CAMTA1: variants seen among roughly 807,000 people sequenced by gnomAD.
CAMTA1 encodes calmodulin binding transcription activator 1.
In CAMTA1, 27 loss-of-function variants were observed where a neutral mutation model predicts 170.9. The ratio of observed to expected loss-of-function variants is 0.16; its 90% CI spans 0.12 to 0.22. CAMTA1 has a LOEUF of 0.22. Ranked by LOEUF, CAMTA1 falls within the 10% of genes least tolerant of loss-of-function variation. CAMTA1 has a pLI of 1.00. For missense variants in CAMTA1, 1,619 were observed against 2,217.2 expected, an observed-to-expected ratio of 0.73 and a Z score of 5.42; for synonymous variants, 833 against 891.5, an observed-to-expected ratio of 0.93 and a Z score of 1.17.
intron 7 of CAMTA1, among the ~76,000 whole-genome samples, chr1:7,660,076 T>C (rs1415391809): frequency 2.0e-5 from 3 of 152,198 alleles, no homozygotes; most frequent in Non-Finnish European, 4.4e-5. Context: ...CAAATAATTT[T>C]GTTTTGTTTT....
chr1:6,843,043 A>G (rs1656532845), intron 3 of CAMTA1, among the ~76,000 whole-genome samples: 1 of 152,208 alleles, frequency 6.6e-6, no homozygotes, highest in Admixed American at 6.5e-5. Flanking sequence ...ATCAACTGAC[A>G]CGTCTGAATT....
intron 7 of CAMTA1, among the ~76,000 whole-genome samples, chr1:7,655,575 TAC>T (rs564576028): frequency 1.7e-3 from 215 of 127,012 alleles, no homozygotes; most frequent in African/African-American, 5.4e-3. Context: ...CACACCCACC[TAC>T]ACACACAAAC....
Position 6,970,467 on chromosome 1 carries a change from A to G in CAMTA1, c.235-120837A>G, listed in dbSNP as rs1572119281. Among the ~76,000 whole-genome samples the G allele has an allele frequency of 6.6e-6, 1 of 151,880 alleles. No homozygotes were observed. The highest frequency in any genetic ancestry group is 1.5e-5 in the Non-Finnish European group (1 of 67,990). On this transcript the variant is annotated intron_variant, in intron 3 of 22. Transcript: ENST00000303635. This position sits in a 1 kb window ranked among gnomAD's most constrained non-coding sequence, Gnocchi z 4.4. ...CGGTCCCAGACCAGCATCGGTGAGG[A>G]GGTAATGGGGGTTCTTGCCAGGCCA...
rs143910857 is a variant in CAMTA1, at chr1:7,572,804, T to C, written c.511-67596T>C. Among the ~76,000 whole-genome samples the C allele has an allele frequency of 6.1e-3, 934 of 152,320 alleles. 11 individuals are homozygous for C. The highest frequency in any genetic ancestry group is 0.022 in the African/African-American group (905 of 41,574). On this transcript the variant is annotated intron_variant, in intron 6 of 22. Transcript: ENST00000303635. ...GTTCAGACCAGAGCAGAAAGGAAGC[T>C]TGCTAAAGACAGAAGGGAAATGGAA... is the stretch of plus-strand genomic sequence containing the variant.
At chr1:7,351,612 G>A (rs1432968614) in intron 5 of CAMTA1, among the ~76,000 whole-genome samples, 2 of 152,218 alleles carry the variant, frequency 1.3e-5, no homozygotes, top group East Asian at 1.9e-4. Flanking sequence ...CAGGCCATTC[G>A]GGGTGATGGA....
intron 4 of CAMTA1, among the ~76,000 whole-genome samples, chr1:7,210,541 A>T (rs952863140): frequency 1.3e-5 from 2 of 152,134 alleles, no homozygotes; most frequent in Admixed American, 1.3e-4. Flanking sequence ...TTCTCTTCAT[A>T]ATTAATTCGC....
chr1:7,685,736 CTGTT>C lies in CAMTA1; in HGVS notation c.2914+8007_2914+8010del, dbSNP rs2096252570. On this transcript the variant is annotated intron_variant, in intron 11 of 22. Transcript: ENST00000303635. This position sits in a 1 kb window ranked among gnomAD's most constrained non-coding sequence, Gnocchi z 5.7. The stretch of plus-strand genomic sequence containing the variant: ...CTAGGGTGCAGGGATGGCTGCCCCT[CTGTT>C]TGTCTTCTTGGATCCAGGCCATCCA... 1.3e-5 allele frequency among the ~76,000 whole-genome samples: 2 copies of C among 152,222 alleles called. No individual in the cohort carries two copies. Among genetic ancestry groups the C allele is most frequent in the South Asian group, 2.1e-4 (1 of 4,830 alleles).
intron 5 of CAMTA1, among the ~76,000 whole-genome samples, chr1:7,329,435 AT>A (rs1371492277): frequency 1.3e-5 from 2 of 152,190 alleles, no homozygotes; most frequent in East Asian, 3.8e-4. Context: ...GAACCAAGAG[AT>A]TCTAAAATTC....
rs2095698966 is a variant in CAMTA1, at chr1:7,634,904, G to A, written c.511-5496G>A. ...CCTGCAGCAGCCCCAGTGAGAAAGA[G>A]GCGCAGCTTCCATGCTTATGGGTGA... On this transcript the variant is annotated intron_variant, in intron 6 of 22. Transcript: ENST00000303635. This position sits in a 1 kb window ranked among gnomAD's most constrained non-coding sequence, Gnocchi z 6.2. 6.6e-6 allele frequency among the ~76,000 whole-genome samples: 1 copy of A among 152,188 alleles called. No homozygotes were observed. Among genetic ancestry groups the A allele is most frequent in the African/African-American group, 2.4e-5 (1 of 41,442 alleles).
intron 22 of CAMTA1, among the ~76,000 whole-genome samples, chr1:7,758,767 C>T (rs1296508325): frequency 6.6e-6 from 1 of 151,824 alleles, no homozygotes; most frequent in Non-Finnish European, 1.5e-5. Context: ...AACCCCGTCT[C>T]TACTGAAAAT....
chr1:7,050,663 A>G lies in CAMTA1; in HGVS notation c.235-40641A>G, dbSNP rs1015605076. Among the ~76,000 whole-genome samples the G allele has an allele frequency of 2.8e-5, 4 of 141,340 alleles. No individual in the cohort carries two copies. The highest frequency in any genetic ancestry group is 2.4e-4 in the South Asian group (1 of 4,246). 92.7% of individuals were successfully genotyped at this position (141,340 alleles called of 152,430 possible). ...ACCAAGGTAGAAGAGTTCATTGTCT[A>G]TTTCTTAGGTGAGGGACTCCAATTT... On this transcript the variant is annotated intron_variant, in intron 3 of 22. Coordinates refer to ENST00000303635, the MANE Select transcript of CAMTA1 (RefSeq NM_015215.4). This position sits in a 1 kb window ranked among gnomAD's most constrained non-coding sequence, Gnocchi z 4.8.
chr1:6,888,236 G>GT, intron 3 of CAMTA1: 1 of 986,008 alleles, frequency 1.0e-6, no homozygotes, highest in Non-Finnish European at 1.2e-6. Context: ...CTTTCTGAAT[G>GT]TTTTTCCTTT....
chr1:6,997,296 G>C (rs1697416401), intron 3 of CAMTA1, among the ~76,000 whole-genome samples: 1 of 152,050 alleles, frequency 6.6e-6, no homozygotes, highest in Admixed American at 6.6e-5. Context: ...CAGTTTGTGA[G>C]GGGATGCGTT....
intron 5 of CAMTA1, 35 bp from the exon 6 acceptor site, chr1:7,467,795 T>G: frequency 1.3e-6 from 2 of 1,564,520 alleles, no homozygotes; most frequent in Non-Finnish European, 1.8e-6. Context: ...CCTTCCCTCT[T>G]TCCAACTGAA....
chr1:6,807,572 T>C (rs939858234), intron 1 of CAMTA1, among the ~76,000 whole-genome samples: 2 of 151,994 alleles, frequency 1.3e-5, no homozygotes, highest in South Asian at 4.1e-4. Context: ...TACAAAAAAT[T>C]AGCTGAGCGT....
intron 1 of CAMTA1, among the ~76,000 whole-genome samples, chr1:6,796,610 G>GT (rs1284013110): frequency 6.6e-6 from 1 of 151,960 alleles, no homozygotes; most frequent in Non-Finnish European, 1.5e-5. Context: ...TAACTTCATT[G>GT]TTTGATACTT....
At chr1:7,102,791 G>A (rs1198401087) in intron 4 of CAMTA1, among the ~76,000 whole-genome samples, 5 of 152,066 alleles carry the variant, frequency 3.3e-5, no homozygotes, top group South Asian at 2.1e-4. Context: ...GGGGTTGACC[G>A]TGCTCTGTTT....
Position 7,633,225 on chromosome 1 carries a change from G to A in CAMTA1, c.511-7175G>A, listed in dbSNP as rs891744531. Among the ~76,000 whole-genome samples, 4 of 152,224 alleles carry A rather than the reference G, an allele frequency of 2.6e-5. No homozygotes were observed. Among genetic ancestry groups the A allele is most frequent in the Non-Finnish European group, 4.4e-5 (3 of 68,032 alleles). ...GAGATTGACTCTACCTCAGGCTCCC[G>A]GGAGATGCCCTTCCACCACCTTCAG... On this transcript the variant is annotated intron_variant, in intron 6 of 22. Transcript: ENST00000303635. This position sits in a 1 kb window ranked among gnomAD's most constrained non-coding sequence, Gnocchi z 4.1.
At chr1:6,846,597 T>C (rs1444620090) in intron 3 of CAMTA1, among the ~76,000 whole-genome samples, 2 of 152,242 alleles carry the variant, frequency 1.3e-5, no homozygotes, top group African/African-American at 4.8e-5. Context: ...TAGCTTTTTG[T>C]CAACTTTTTA....
Sources: gnomAD v4.1 joint callset for allele counts (sites outside exome capture counted in the v4.1 genomes callset) on GRCh38, gnomAD v4.1.1 for gene constraint, Gnocchi (gnomAD v3.1) non-coding constraint, MANE v1.5 for transcripts, NCBI Gene and HGNC (gene_info 2026-07-23, HGNC 2026-07-21) for gene names.